Variants in NLRP5 observed in about 807,000 individuals in gnomAD.
NLRP5 encodes the protein NLR family pyrin domain containing 5, also known as NACHT, LRR and PYD domains-containing protein 5.
In NLRP5, 93 loss-of-function variants were observed where a neutral mutation model predicts 113.1. The ratio of observed to expected loss-of-function variants is 0.82; its 90% CI spans 0.70 to 0.98. NLRP5 has a LOEUF of 0.98. Among genes scored for constraint, NLRP5 ranks in the 50% least tolerant of loss-of-function variants. The pLI is 0.00. For synonymous variants in NLRP5, 751 were observed against 600.7 expected, an observed-to-expected ratio of 1.25 and a Z score of -3.66; for missense variants, 1,808 against 1,514.3, an observed-to-expected ratio of 1.19 and a Z score of -3.22.
At chr19:56,007,630 G>A (rs1981976428) in intron 2 of NLRP5, among the ~76,000 whole-genome samples, 2 of 151,152 alleles carry the variant, frequency 1.3e-5, no homozygotes, top group South Asian at 4.1e-4. Flanking sequence ...GAAAATACTT[G>A]TAATAGCAAG....
chr19:56,048,033 A>G (rs1983792065), intron 11 of NLRP5, among the ~76,000 whole-genome samples: 1 of 152,166 alleles, frequency 6.6e-6, no homozygotes, highest in Admixed American at 6.5e-5. Context: ...TGATCTAAGA[A>G]TAGTTACCCC....
intron 7 of NLRP5, among the ~76,000 whole-genome samples, chr19:56,031,887 C>G (rs1983129567): frequency 6.6e-6 from 1 of 152,164 alleles, no homozygotes; most frequent in African/African-American, 2.4e-5. Context: ...GACCAAACAC[C>G]TCTTCCACAT....
intron 3 of NLRP5, among the ~76,000 whole-genome samples, chr19:56,010,602 AAC>A (rs1982144458): frequency 6.6e-6 from 1 of 151,018 alleles, no homozygotes; most frequent in Admixed American, 6.6e-5. Flanking sequence ...GGAAAAAAAA[AAC>A]TAGCCAGGCG....
At position 56,033,719 on chromosome 19, in the gene NLRP5, T is replaced by A; in HGVS notation, c.2615+10T>A. On this transcript the variant is annotated intron_variant, in intron 9 of 14. Transcript: ENST00000390649. ...TGTTGGAGTCTTTGAGGTACGTCTC[T>A]GGTAGAGCTTTTGCCTTGTTTTTCT... 6.3e-7 allele frequency: 1 copy of A among 1,594,346 alleles called. No individual in the cohort carries two copies. The highest frequency in any genetic ancestry group is 8.5e-7 in the Non-Finnish European group (1 of 1,170,604).
At chr19:56,036,739 C>G (rs942664852) in intron 9 of NLRP5, among the ~76,000 whole-genome samples, 4 of 152,018 alleles carry the variant, frequency 2.6e-5, no homozygotes, top group African/African-American at 9.7e-5. Context: ...GGTGGCTCAC[C>G]TGAGGTCAGG....
intron 6 of NLRP5, among the ~76,000 whole-genome samples, chr19:56,020,898 G>T (rs1289971928): frequency 6.7e-6 from 1 of 149,174 alleles, no homozygotes; most frequent in Non-Finnish European, 1.5e-5. Context: ...TTTTGAGAAG[G>T]AGTCTCGCTG....
In NLRP5 at chr19:56,002,734, C is replaced by G. The variant is rs539039096; in HGVS notation, c.63-982C>G. 2.7e-5 allele frequency among the ~76,000 whole-genome samples: 4 copies of G among 149,524 alleles called. No individual in the cohort carries two copies. In the South Asian group the frequency reaches 8.5e-4, roughly 32 times the overall value. On this transcript the variant is annotated intron_variant, in intron 1 of 14. Coordinates refer to ENST00000390649, the MANE Select transcript of NLRP5 (RefSeq NM_153447.4). Reference sequence around the variant, plus strand: ...TGCAGTGTTTGGCTTTTTGTCCTTGCGATAGTTTGCTGAGAATGATGGTTT... The same window carrying G: ...TGCAGTGTTTGGCTTTTTGTCCTTGGGATAGTTTGCTGAGAATGATGGTTT...
chr19:56,012,945 T>A (rs1005441559), intron 3 of NLRP5, among the ~76,000 whole-genome samples: 7 of 152,202 alleles, frequency 4.6e-5, no homozygotes, highest in Non-Finnish European at 8.8e-5. Context: ...AAATTCATCT[T>A]AATACAATTC....
chr19:56,043,717 C>T lies in NLRP5; in HGVS notation c.2957+2625C>T, dbSNP rs139902002. Among the ~76,000 whole-genome samples the T allele has an allele frequency of 3.7e-3, 562 of 151,538 alleles. 3 individuals carry two copies. Among genetic ancestry groups the T allele is most frequent in the African/African-American group, 0.012 (509 of 41,318 alleles). On this transcript the variant is annotated intron_variant, in intron 11 of 14. Coordinates refer to ENST00000390649, the MANE Select transcript of NLRP5 (RefSeq NM_153447.4). ...AGTAGCTGGTAGCTGGGACTACAGG[C>T]GCCCACCACCACACCCGGCTAATTT... is the stretch of plus-strand genomic sequence containing the variant.
intron 7 of NLRP5, among the ~76,000 whole-genome samples, chr19:56,030,054 C>CAAAAAATA (rs140443917): frequency 0.14 from 20,961 of 150,146 alleles, 1,858 homozygotes; most frequent in Non-Finnish European, 0.2. Flanking sequence ...GACTCCATCT[C>CAAAAAATA]AAAAAATAAA....
Position 56,019,159 on chromosome 19 carries a change from C to T in NLRP5, c.566-183C>T, listed in dbSNP as rs1982520475. 13 of 659,614 alleles carry T rather than the reference C, an allele frequency of 2.0e-5. No individual in the cohort carries two copies. In the South Asian group the frequency reaches 2.6e-4, roughly 13 times the overall value. The allele number at this position is 659,614 out of a possible 1,614,324, so 40.9% of individuals were successfully genotyped here. On this transcript the variant is annotated intron_variant, in intron 4 of 14. Coordinates refer to ENST00000390649, the MANE Select transcript of NLRP5 (RefSeq NM_153447.4). ...GAGAAATGAGCCTGGGACCCTCACC[C>T]TCAAGCTTTGAATTAGTGCTCATTG... is the stretch of plus-strand genomic sequence containing the variant.
intron 6 of NLRP5, among the ~76,000 whole-genome samples, chr19:56,023,971 C>T (rs947247970): frequency 2.0e-5 from 3 of 152,128 alleles, no homozygotes; most frequent in Admixed American, 2.0e-4. Context: ...TTTTCACGTT[C>T]ATTGAGTACC....
intron 11 of NLRP5, among the ~76,000 whole-genome samples, chr19:56,041,824 C>T (rs1473895908): frequency 2.0e-5 from 3 of 152,136 alleles, no homozygotes; most frequent in Admixed American, 2.0e-4. Flanking sequence ...TGGCGCATAC[C>T]TGTAATCCCA....
chr19:56,008,882 G>A, intron 3 of NLRP5, 29 bp downstream of exon 3: 2 of 1,598,750 alleles, frequency 1.3e-6, no homozygotes, highest in Non-Finnish European at 1.7e-6. Flanking sequence ...GGGGAAATAG[G>A]ATGTGCTTAA....
chr19:56,005,537 C>G (rs1244150798), intron 2 of NLRP5, among the ~76,000 whole-genome samples: 1 of 148,068 alleles, frequency 6.8e-6, no homozygotes, highest in Non-Finnish European at 1.5e-5. Flanking sequence ...CACACGCACA[C>G]ACGCAGGTGG....
intron 7 of NLRP5, among the ~76,000 whole-genome samples, chr19:56,030,549 A>C (rs1983057503): frequency 6.6e-6 from 1 of 152,050 alleles, no homozygotes; most frequent in Admixed American, 6.6e-5. Context: ...TTCTTTCCAC[A>C]GCCAAGAGGA....
intron 11 of NLRP5, 130 bp from the exon 12 acceptor site, chr19:56,050,288 A>AAAT: frequency 2.8e-6 from 2 of 704,160 alleles, no homozygotes; most frequent in Non-Finnish European, 4.2e-6. Context: ...AAAAAAAAAA[A>AAAT]GAAAAAAAAA....
Position 56,053,675 on chromosome 19 carries a change from AGTCT to A in NLRP5, c.3170_3173del (p.Leu1057ProfsTer3). On this transcript the variant is annotated frameshift_variant, in exon 13 of 15. Transcript: ENST00000390649. LOFTEE classifies it high-confidence loss of function. ...TCATCTCACCGCCGCGTGCTGTGAG[AGTCT>A]GTCCTGTGTGATCTCGAGGAGCAGA... The A allele has an allele frequency of 1.2e-6, 2 of 1,613,898 alleles. No homozygotes were observed. Among genetic ancestry groups the A allele is most frequent in the Non-Finnish European group, 1.7e-6 (2 of 1,179,870 alleles).
At chr19:56,055,267 C>T (rs991532214) in intron 13 of NLRP5, among the ~76,000 whole-genome samples, 35 of 151,960 alleles carry the variant, frequency 2.3e-4, no homozygotes, top group Non-Finnish European at 4.0e-4. Flanking sequence ...GCTGGGATGA[C>T]AGGCGTGAGC....
Sources: gnomAD v4.1 joint callset for allele counts (sites outside exome capture counted in the v4.1 genomes callset) on GRCh38, gnomAD v4.1.1 for gene constraint, MANE v1.5 for transcripts, NCBI Gene and HGNC (gene_info 2026-07-23, HGNC 2026-07-21) for gene names.